The following GCNT2 variants were observed in gnomAD, a reference collection of about 807,000 sequenced individuals.
GCNT2 encodes the protein glucosaminyl (N-acetyl) transferase 2 (I blood group), also known as N-acetyllactosaminide beta-1,6-N-acetylglucosaminyl-transferase.
In GCNT2, 34 loss-of-function variants were observed where a neutral mutation model predicts 34.2. That is an observed-to-expected ratio of 1.00 (90% CI 0.76 to 1.32). The LOEUF (loss-of-function observed/expected upper bound fraction) is 1.32. Among genes scored for constraint, GCNT2 ranks in the 40% most tolerant of loss-of-function variants. The pLI, the probability that GCNT2 is intolerant of heterozygous loss-of-function variation, is 0.00. For synonymous variants in GCNT2, 212 were observed against 188.0 expected, an observed-to-expected ratio of 1.13 and a Z score of -1.04; for missense variants, 584 against 489.4, an observed-to-expected ratio of 1.19 and a Z score of -1.82.
chr6:10,545,771 G>A (rs1347283624), intron 3 of GCNT2, among the ~76,000 whole-genome samples: 1 of 152,198 alleles, frequency 6.6e-6, no homozygotes, highest in Non-Finnish European at 1.5e-5. Context: ...CAGTGGAGGA[G>A]GGTGTAAGAC....
rs769444842 is a variant in GCNT2 at position 10,586,703 on chromosome 6, T to C, written c.926-34648T>C. The C allele has an allele frequency of 7.4e-6, 12 of 1,614,122 alleles. No homozygotes were observed. The East Asian group carries it at 2.7e-4, about 36-fold the overall frequency. Reference sequence around the variant, plus strand: ...AATATGTCCACCAAGAGCATACAGATAAAGGTGGCTTTTTTGTGAAAAATA... The same window carrying C: ...AATATGTCCACCAAGAGCATACAGACAAAGGTGGCTTTTTTGTGAAAAATA... On this transcript the variant is annotated intron_variant, in intron 3 of 4. Transcript: ENST00000495262.
intron 1 of GCNT2, among the ~76,000 whole-genome samples, chr6:10,524,484 G>C (rs1453432724): frequency 6.6e-6 from 1 of 152,036 alleles, no homozygotes; most frequent in Non-Finnish European, 1.5e-5. Flanking sequence ...ACTCAATCCA[G>C]GGCTCTTTTT....
At chr6:10,588,898 T>TTGTGTGTGTGG (rs1247270461) in intron 3 of GCNT2, among the ~76,000 whole-genome samples, 3 of 139,614 alleles carry the variant, frequency 2.1e-5, no homozygotes, top group South Asian at 2.4e-4. Context: ...AGCGTGTGTG[T>TTGTGTGTGTGG]TGTGTGGTGT....
intron 3 of GCNT2, among the ~76,000 whole-genome samples, chr6:10,596,668 C>T (rs1764866867): frequency 6.6e-6 from 1 of 151,456 alleles, no homozygotes; most frequent in Non-Finnish European, 1.5e-5. Context: ...TCCTGTGTAT[C>T]CCTCTAACCA....
Position 10,529,001 on chromosome 6 carries a change from G to C in GCNT2, c.90G>C (p.Glu30Asp). Reference sequence around the variant, plus strand: ...TTGTTTACAATACTGAGTTATGGGAGAATAAACGTTTTCTGAGGGCAGCTC... The same window carrying C: ...TTGTTTACAATACTGAGTTATGGGACAATAAACGTTTTCTGAGGGCAGCTC... ...FVFVYNTELWENKRFLRAALS... is the reference protein window; with the variant it reads ...FVFVYNTELWDNKRFLRAALS... The change falls in exon 3 of 5, where the codon GAG becomes GAC. Residue 30 changes from glutamate (E) to aspartate (D), a missense_variant. Glu to Asp is a conservative substitution (Grantham distance 45). Transcript: ENST00000495262. 6.2e-7 allele frequency: 1 copy of C among 1,613,950 alleles called. No homozygotes were observed. The highest frequency in any genetic ancestry group is 1.3e-5 in the African/African-American group (1 of 75,052).
intron 3 of GCNT2, among the ~76,000 whole-genome samples, chr6:10,553,575 C>A (rs1762567283): frequency 6.6e-6 from 1 of 152,162 alleles, no homozygotes; most frequent in Non-Finnish European, 1.5e-5. Context: ...GAGCTATGTT[C>A]TACATATCAT....
At chr6:10,601,138 CT>C (rs948288806) in intron 3 of GCNT2, among the ~76,000 whole-genome samples, 7 of 152,080 alleles carry the variant, frequency 4.6e-5, no homozygotes, top group African/African-American at 1.7e-4. Context: ...TTTTGCCCTG[CT>C]TTTCTTTTTC....
At chr6:10,562,590 G>A (rs760895355) in intron 3 of GCNT2, among the ~76,000 whole-genome samples, 7 of 142,600 alleles carry the variant, frequency 4.9e-5, no homozygotes, top group Non-Finnish European at 9.0e-5. Flanking sequence ...GGTGGTGTGC[G>A]CCTGTACTTC....
intron 1 of GCNT2, among the ~76,000 whole-genome samples, chr6:10,525,848 A>T (rs1192075067): frequency 1.3e-5 from 2 of 152,228 alleles, no homozygotes; most frequent in African/African-American, 2.4e-5. Flanking sequence ...TTCGAAGAGC[A>T]GGCAAATAAT....
chr6:10,580,123 A>G (rs1023068183), intron 3 of GCNT2, among the ~76,000 whole-genome samples: 1 of 152,246 alleles, frequency 6.6e-6, no homozygotes, highest in Non-Finnish European at 1.5e-5. Flanking sequence ...AAGAAGACAA[A>G]ACTGGCATCC....
chr6:10,542,671 G>A (rs772408204), intron 3 of GCNT2, among the ~76,000 whole-genome samples: 3 of 152,060 alleles, frequency 2.0e-5, no homozygotes, highest in Non-Finnish European at 4.4e-5. Flanking sequence ...GTGTTATCGC[G>A]TGAATCAGTA....
chr6:10,523,993 A>AC (rs1761063574), intron 1 of GCNT2, among the ~76,000 whole-genome samples: 1 of 149,456 alleles, frequency 6.7e-6, no homozygotes, highest in Non-Finnish European at 1.5e-5. Context: ...AAAAAAAAAA[A>AC]CCAAGACTAA....
chr6:10,541,883 C>G (rs1762050327), intron 3 of GCNT2, among the ~76,000 whole-genome samples: 1 of 152,138 alleles, frequency 6.6e-6, no homozygotes, highest in Non-Finnish European at 1.5e-5. Context: ...GCAGTTTGTC[C>G]TTTGTGCTCC....
At chr6:10,531,308 G>A (rs1327442886) in intron 3 of GCNT2, among the ~76,000 whole-genome samples, 2 of 152,170 alleles carry the variant, frequency 1.3e-5, no homozygotes, top group East Asian at 3.8e-4. Context: ...ATTTAGTCCT[G>A]CTAGTTCAAT....
At position 10,536,590 on chromosome 6, in the gene GCNT2, G is replaced by A. The variant is rs1347843866; in HGVS notation, c.925+6754G>A. Among the ~76,000 whole-genome samples, 6 of 151,258 alleles carry A rather than the reference G, an allele frequency of 4.0e-5. No homozygotes were observed. The South Asian group carries it at 6.3e-4, about 16-fold the overall frequency. On this transcript the variant is annotated intron_variant, in intron 3 of 4. Coordinates refer to ENST00000495262, the MANE Select transcript of GCNT2 (RefSeq NM_145649.5). Reference sequence around the variant, plus strand: ...AGGATGGTGTTGATCTCTTGACCTCGTGATCCACCCACCTCAGCCTCCAAA... The same window carrying A: ...AGGATGGTGTTGATCTCTTGACCTCATGATCCACCCACCTCAGCCTCCAAA...
At chr6:10,549,078 G>C (rs1762380031) in intron 3 of GCNT2, among the ~76,000 whole-genome samples, 1 of 152,188 alleles carries the variant, frequency 6.6e-6, no homozygotes, top group African/African-American at 2.4e-5. Context: ...TTGGTTGTCA[G>C]AGGTTGAGGG....
chr6:10,581,857 T>C (rs1240270050), intron 3 of GCNT2: 6 of 984,892 alleles, frequency 6.1e-6, no homozygotes, highest in Middle Eastern at 5.2e-4. Context: ...GGTGTGGTTC[T>C]AGTAAGAATG....
chr6:10,542,369 T>G (rs1374765956), intron 3 of GCNT2, among the ~76,000 whole-genome samples: 13 of 152,042 alleles, frequency 8.6e-5, no homozygotes, highest in Non-Finnish European at 1.5e-5. Flanking sequence ...TTACATAGGG[T>G]GAAATTTATG....
chr6:10,521,923 A>C (rs552505438), intron 1 of GCNT2, among the ~76,000 whole-genome samples: 32 of 150,694 alleles, frequency 2.1e-4, no homozygotes, highest in Non-Finnish European at 3.0e-5. Flanking sequence ...TTTTCCAGAC[A>C]TAGTCTCACT....
Sources: allele counts gnomAD v4.1 joint callset (sites outside exome capture counted in the v4.1 genomes callset), GRCh38; gene constraint gnomAD v4.1.1; transcripts MANE v1.5; gene names NCBI Gene and HGNC (gene_info 2026-07-23, HGNC 2026-07-21).